Variants in GALNT1 observed in about 807,000 individuals in gnomAD.
GALNT1 encodes polypeptide N-acetylgalactosaminyltransferase 1, also known as GalNAc transferase 1.
Under a neutral mutation model 65.7 loss-of-function variants are expected in GALNT1, and 17 were observed. The observed-to-expected ratio is 0.26, with a 90% CI of 0.18 to 0.39. The LOEUF (loss-of-function observed/expected upper bound fraction) is 0.39, where lower values mean the gene tolerates loss of function less well. Among genes scored for constraint, GALNT1 ranks in the 10% least tolerant of loss-of-function variants. The pLI is 1.00. For missense variants in GALNT1, 460 were observed against 672.8 expected (o/e 0.68, Z 3.50); for synonymous variants, 210 against 219.7 (o/e 0.96, Z 0.39).
chr18:35,706,507 A>G (rs2048263615), intron 11 of GALNT1, among the ~76,000 whole-genome samples: 1 of 128,350 alleles, frequency 7.8e-6, no homozygotes, highest in Non-Finnish European at 1.7e-5. Flanking sequence ...ATCTCAAAAA[A>G]TAAAATTAAA....
chr18:35,605,785 C>T (rs1431314554), intron 1 of GALNT1, among the ~76,000 whole-genome samples: 2 of 152,090 alleles, frequency 1.3e-5, no homozygotes, highest in African/African-American at 4.8e-5. Context: ...TTGCATTTGA[C>T]TCTTCTAAAT....
chr18:35,688,279 G>A (rs938625917), intron 6 of GALNT1, among the ~76,000 whole-genome samples: 46 of 152,090 alleles, frequency 3.0e-4, no homozygotes, highest in African/African-American at 1.1e-3. Context: ...ATCAAAATAA[G>A]TCCAAACCTT....
chr18:35,710,724 G>A lies in GALNT1; in HGVS notation c.*954G>A, dbSNP rs1392402445. On this transcript the variant is annotated 3_prime_UTR_variant, in exon 12 of 12. Transcript: ENST00000269195. ...CTTCACTTGACCTAACTGATTATGC[G>A]AAATACCCAAGATTCATGCTACTGT... The A allele has an allele frequency of 2.0e-5, 3 of 152,458 alleles. No homozygotes were observed. Among genetic ancestry groups the A allele is most frequent in the Admixed American group, 6.6e-5 (1 of 15,254 alleles). 9.4% of individuals were successfully genotyped at this position (152,458 alleles called of 1,614,324 possible).
intron 7 of GALNT1, 103 bp from the exon 8 acceptor site, chr18:35,690,909 C>CA: frequency 9.1e-7 from 1 of 1,093,170 alleles, no homozygotes; most frequent in East Asian, 2.5e-5. Context: ...AAACAAAAGC[C>CA]AAACCCCTAT....
chr18:35,593,213 G>A (rs1313867009), intron 1 of GALNT1, among the ~76,000 whole-genome samples: 2 of 152,262 alleles, frequency 1.3e-5, no homozygotes, highest in South Asian at 2.1e-4. Flanking sequence ...GATTAGAGAG[G>A]GCAGAGTCAG....
At chr18:35,600,646 A>G (rs190471745) in intron 1 of GALNT1, among the ~76,000 whole-genome samples, 14 of 152,226 alleles carry the variant, frequency 9.2e-5, no homozygotes, top group African/African-American at 3.4e-4. Context: ...GTACAATGTT[A>G]GCTGTGGGTT....
chr18:35,694,316 A>T (rs2048018214), intron 9 of GALNT1, among the ~76,000 whole-genome samples: 1 of 152,190 alleles, frequency 6.6e-6, no homozygotes, highest in South Asian at 2.1e-4. Context: ...CTTTATTAAG[A>T]TAAAACTGTG....
At chr18:35,603,092 T>C (rs1479788211) in intron 1 of GALNT1, among the ~76,000 whole-genome samples, 1 of 152,310 alleles carries the variant, frequency 6.6e-6, no homozygotes, top group East Asian at 1.9e-4. Flanking sequence ...AGGTTTTCCT[T>C]GGCTCTTGCA....
chr18:35,688,968 C>T (rs901473806), intron 6 of GALNT1, among the ~76,000 whole-genome samples: 1 of 152,132 alleles, frequency 6.6e-6, no homozygotes, highest in Admixed American at 6.6e-5. Flanking sequence ...TAGCAGTCAG[C>T]ATGACCATGG....
intron 2 of GALNT1, among the ~76,000 whole-genome samples, chr18:35,660,756 C>T (rs771185798): frequency 6.6e-6 from 1 of 152,100 alleles, no homozygotes; most frequent in Non-Finnish European, 1.5e-5. Context: ...CATCCAAACT[C>T]GTTTGCCAAG....
intron 1 of GALNT1, among the ~76,000 whole-genome samples, chr18:35,638,035 C>T (rs144008043): frequency 2.6e-5 from 4 of 152,302 alleles, no homozygotes; most frequent in East Asian, 1.9e-4. Flanking sequence ...AAAAAGATTC[C>T]TTTCAAAATA....
At chr18:35,607,875 G>A (rs545454629) in intron 1 of GALNT1, among the ~76,000 whole-genome samples, 2 of 152,216 alleles carry the variant, frequency 1.3e-5, no homozygotes, top group East Asian at 1.9e-4. Context: ...TATTCTAGTG[G>A]TCCATGTACC....
chr18:35,711,270 T>C lies in GALNT1; in HGVS notation c.*1500T>C, dbSNP rs1326987828. ...TATATTTTCTTTCATATTTGTAAAATTATATTTAATGGAATTCTTTTCTTT... is the reference window on the plus strand; with the variant it reads ...TATATTTTCTTTCATATTTGTAAAACTATATTTAATGGAATTCTTTTCTTT... On this transcript the variant is annotated 3_prime_UTR_variant, in exon 12 of 12. Coordinates refer to ENST00000269195, the MANE Select transcript of GALNT1 (RefSeq NM_020474.4). 2 of 152,636 alleles carry C rather than the reference T, an allele frequency of 1.3e-5. No individual in the cohort carries two copies. Among genetic ancestry groups the C allele is most frequent in the African/African-American group, 4.8e-5 (2 of 41,462 alleles). 9.5% of individuals were successfully genotyped at this position (152,636 alleles called of 1,614,324 possible).
At chr18:35,618,890 C>T (rs1490805656) in intron 1 of GALNT1, among the ~76,000 whole-genome samples, 2 of 151,980 alleles carry the variant, frequency 1.3e-5, no homozygotes, top group African/African-American at 2.4e-5. Flanking sequence ...CAGGGCAGAC[C>T]GAGTTGAGGG....
Position 35,654,635 on chromosome 18 carries a change from T to C in GALNT1, c.-28T>C. The stretch of plus-strand genomic sequence containing the variant: ...TTTGTATATTTATATATATATATTT[T>C]TAAATTTTGCATTTGACTTAAAGTG... On this transcript the variant is annotated 5_prime_UTR_variant, in exon 2 of 12. Coordinates refer to ENST00000269195, the MANE Select transcript of GALNT1 (RefSeq NM_020474.4). 3 of 1,273,366 alleles carry C rather than the reference T, an allele frequency of 2.4e-6. No individual in the cohort carries two copies. Among genetic ancestry groups the C allele is most frequent in the Non-Finnish European group, 3.0e-6 (3 of 988,190 alleles). The allele number at this position is 1,273,366 out of a possible 1,614,324, so 78.9% of individuals were successfully genotyped here.
At chr18:35,699,820 T>G (rs570140815) in intron 9 of GALNT1, among the ~76,000 whole-genome samples, 27 of 152,362 alleles carry the variant, frequency 1.8e-4, no homozygotes, top group Middle Eastern at 3.4e-3. Context: ...AAATACCTAT[T>G]TTCATCCCAG....
intron 1 of GALNT1, among the ~76,000 whole-genome samples, chr18:35,582,795 AG>A (rs1462333508): frequency 6.6e-6 from 1 of 152,246 alleles, no homozygotes; most frequent in Non-Finnish European, 1.5e-5. Flanking sequence ...CAATCTGAGC[AG>A]CAGAGTTGGG....
At chr18:35,593,935 C>T (rs2046474795) in intron 1 of GALNT1, among the ~76,000 whole-genome samples, 1 of 152,068 alleles carries the variant, frequency 6.6e-6, no homozygotes, top group Non-Finnish European at 1.5e-5. Flanking sequence ...GCCTTGAACT[C>T]CTGACCTCAG....
chr18:35,638,230 C>T (rs2047117317), intron 1 of GALNT1, among the ~76,000 whole-genome samples: 1 of 152,104 alleles, frequency 6.6e-6, no homozygotes, highest in Non-Finnish European at 1.5e-5. Context: ...GGGTCTGACC[C>T]ACAGACCCCG....
Sources: allele counts gnomAD v4.1 joint callset (sites outside exome capture counted in the v4.1 genomes callset), GRCh38; gene constraint gnomAD v4.1.1; transcripts MANE v1.5; gene names NCBI Gene and HGNC (gene_info 2026-07-23, HGNC 2026-07-21).